The following SYTL5 variants were observed in gnomAD, a reference collection of about 807,000 sequenced individuals.
The protein encoded by SYTL5 is synaptotagmin-like protein 5.
A neutral mutation model predicts 55.9 loss-of-function variants in SYTL5; 34 were observed. The ratio of observed to expected loss-of-function variants is 0.61; its 90% CI spans 0.46 to 0.81. The LOEUF is 0.81. SYTL5 is among the 30% of genes least tolerant of loss of function. SYTL5 has a pLI of 0.00. For missense variants in SYTL5, 637 were observed against 546.7 expected, an observed-to-expected ratio of 1.17 and a Z score of -1.65; for synonymous variants, 221 against 188.7, an observed-to-expected ratio of 1.17 and a Z score of -1.40.
At chrX:38,001,450 A>G in the SYTL5 span, among the ~76,000 whole-genome samples, 3 of 111,450 alleles carry the variant, frequency 2.7e-5, no homozygotes, top group African/African-American at 9.8e-5. Flanking sequence ...CCAGCACCCT[A>G]CTACCCTTCC....
intron 1 of SYTL5, among the ~76,000 whole-genome samples, chrX:38,015,274 C>G (rs1934314736): frequency 8.9e-6 from 1 of 112,185 alleles, no homozygotes; most frequent in African/African-American, 3.2e-5. Context: ...TAATGCGAAG[C>G]ATGTAATTAT....
Position 38,109,843 on chromosome X carries a change from G to A in SYTL5, c.1435-478G>A, listed in dbSNP as rs146197404. The stretch of plus-strand genomic sequence containing the variant: ...TATACATGTACACCTTTTCACCTCT[G>A]CACTTAGGCTGGACTTTATAAAATT... On this transcript the variant is annotated intron_variant, in intron 12 of 16. Coordinates refer to ENST00000297875, the MANE Select transcript of SYTL5 (RefSeq NM_138780.3). 8.4e-3 allele frequency among the ~76,000 whole-genome samples: 936 copies of A among 111,234 alleles called. 11 individuals are homozygous for A. Among genetic ancestry groups the A allele is most frequent in the African/African-American group, 0.029 (897 of 30,590 alleles).
At chrX:38,083,968 A>C (rs1474056027) in intron 6 of SYTL5, among the ~76,000 whole-genome samples, 2 of 108,880 alleles carry the variant, frequency 1.8e-5, no homozygotes, top group Admixed American at 2.0e-4. Context: ...TCCTTCTTTC[A>C]CCCGCCAAAG....
chrX:38,030,978 T>G (rs1414576698), intron 1 of SYTL5, among the ~76,000 whole-genome samples: 2 of 111,698 alleles, frequency 1.8e-5, no homozygotes, highest in African/African-American at 6.5e-5. Context: ...TTTATCCAGT[T>G]TTTTGTTTTT....
chrX:38,083,789 T>TGTGC (rs1936600310), intron 6 of SYTL5, among the ~76,000 whole-genome samples: 1 of 105,578 alleles, frequency 9.5e-6, no homozygotes, highest in Non-Finnish European at 1.9e-5. Context: ...TGTGTGTGTG[T>TGTGC]GTGTGTGTGT....
At chrX:37,926,082 C>A in the SYTL5 span, among the ~76,000 whole-genome samples, 1 of 111,475 alleles carries the variant, frequency 9.0e-6, no homozygotes, top group Non-Finnish European at 1.9e-5. Context: ...GTGCATGTAT[C>A]TTTTTCGTAT....
chrX:37,893,649 T>TTATA, the SYTL5 span, among the ~76,000 whole-genome samples: 1 of 67,985 alleles, frequency 1.5e-5, no homozygotes, highest in African/African-American at 1.2e-4. Context: ...TTATATATAA[T>TTATA]TATATATAAA....
intron 2 of SYTL5, among the ~76,000 whole-genome samples, chrX:38,050,775 G>C (rs1237358115): frequency 8.9e-6 from 1 of 112,025 alleles, no homozygotes; most frequent in Non-Finnish European, 1.9e-5. Context: ...CAGGATGTCT[G>C]GGGACTCTAC....
chrX:38,026,424 C>T (rs943984796), intron 1 of SYTL5, among the ~76,000 whole-genome samples: 2 of 111,472 alleles, frequency 1.8e-5, no homozygotes, highest in Non-Finnish European at 3.8e-5. Flanking sequence ...AAAGGGGTCC[C>T]GATCCAGATC....
the SYTL5 span, among the ~76,000 whole-genome samples, chrX:37,969,091 A>G: frequency 1.1e-4 from 12 of 111,750 alleles, no homozygotes; most frequent in African/African-American, 3.6e-4. Flanking sequence ...TTATCCGTAT[A>G]AGTTCCTTTA....
intron 3 of SYTL5, 78 bp from the exon 4 acceptor site, chrX:38,071,969 G>A (rs988223396): frequency 2.9e-6 from 2 of 685,381 alleles, no homozygotes; most frequent in Admixed American, 2.6e-5. Flanking sequence ...GCTGTTTTCA[G>A]TTTATTAGGG....
Position 38,047,436 on chromosome X carries a change from A to T in SYTL5, c.120-6777A>T, listed in dbSNP as rs751476860. ...CCTCTGAAGCCGTGGTCTGAGCTCT[A>T]CATTGCCCCCTTTCAGCCACAGCTG... On this transcript the variant is annotated intron_variant, in intron 2 of 16. Coordinates refer to ENST00000297875, the MANE Select transcript of SYTL5 (RefSeq NM_138780.3). Among the ~76,000 whole-genome samples the T allele has an allele frequency of 1.6e-4, 18 of 113,144 alleles. No homozygotes were observed. In the South Asian group the frequency reaches 5.1e-3, roughly 32 times the overall value.
At chrX:38,083,622 T>G (rs1256110257) in intron 6 of SYTL5, among the ~76,000 whole-genome samples, 1 of 110,928 alleles carries the variant, frequency 9.0e-6, no homozygotes, top group Non-Finnish European at 1.9e-5. Flanking sequence ...TTTCCATGTC[T>G]TTCTCATCTC....
At chrX:37,905,262 T>A in the SYTL5 span, among the ~76,000 whole-genome samples, 1 of 110,660 alleles carries the variant, frequency 9.0e-6, no homozygotes, top group Non-Finnish European at 1.9e-5. Flanking sequence ...GAGGAGAGAC[T>A]TGCAGCCTCC....
At chrX:38,094,062 G>A (rs931930364) in intron 7 of SYTL5, among the ~76,000 whole-genome samples, 2 of 110,897 alleles carry the variant, frequency 1.8e-5, no homozygotes, top group East Asian at 2.8e-4. Flanking sequence ...GAAATTGTCC[G>A]GATACCTTTT....
chrX:37,993,050 G>T, the SYTL5 span, among the ~76,000 whole-genome samples: 3 of 110,879 alleles, frequency 2.7e-5, no homozygotes, highest in South Asian at 7.6e-4. Flanking sequence ...ATTCTTAATT[G>T]ATTTGAGCTA....
intron 1 of SYTL5, among the ~76,000 whole-genome samples, chrX:38,027,824 C>CTT (rs111523397): frequency 4.0e-4 from 36 of 90,767 alleles, no homozygotes; most frequent in African/African-American, 1.5e-3. Context: ...AATTCTTCTT[C>CTT]TTTTTTTTTT....
At chrX:38,010,958 A>C (rs1451104876) in intron 1 of SYTL5, among the ~76,000 whole-genome samples, 2 of 111,915 alleles carry the variant, frequency 1.8e-5, no homozygotes, top group African/African-American at 6.5e-5. Context: ...CATTTACATA[A>C]GAATAAACTG....
chrX:38,111,396 T>C (rs1386310645), intron 13 of SYTL5, among the ~76,000 whole-genome samples: 6 of 112,032 alleles, frequency 5.4e-5, no homozygotes, highest in Admixed American at 9.5e-5. Flanking sequence ...ATTGGGAACA[T>C]TGTAAGCTCT....
Sources: allele counts gnomAD v4.1 joint callset (sites outside exome capture counted in the v4.1 genomes callset), GRCh38; gene constraint gnomAD v4.1.1; transcripts MANE v1.5; gene names NCBI Gene and HGNC (gene_info 2026-07-23, HGNC 2026-07-21).